The following LMOD1 variants were observed in gnomAD, a reference collection of about 807,000 sequenced individuals.
LMOD1 encodes leiomodin-1.
Under a neutral mutation model 36.5 loss-of-function variants are expected in LMOD1, and 8 were observed. That is an observed-to-expected ratio of 0.22 (90% CI 0.13 to 0.40). The LOEUF is 0.40. Among genes scored for constraint, LMOD1 ranks in the 10% least tolerant of loss-of-function variants. The pLI, the probability that LMOD1 is intolerant of heterozygous loss-of-function variation, is 1.00. For missense variants in LMOD1, 630 were observed against 751.1 expected, an observed-to-expected ratio of 0.84 and a Z score of 1.88; for synonymous variants, 284 against 288.7, an observed-to-expected ratio of 0.98 and a Z score of 0.17.
At chr1:201,940,815 C>T (rs1378970237) in intron 1 of LMOD1, among the ~76,000 whole-genome samples, 1 of 148,500 alleles carries the variant, frequency 6.7e-6, no homozygotes, top group Non-Finnish European at 1.5e-5. Context: ...ATGGCACGAT[C>T]TCGGCGCACC....
intron 1 of LMOD1, among the ~76,000 whole-genome samples, chr1:201,930,670 TAGAA>T (rs1363112956): frequency 2.0e-5 from 3 of 152,140 alleles, no homozygotes; most frequent in East Asian, 1.9e-4. Context: ...AGGCCAGAGA[TAGAA>T]AGAGAGCATA....
In LMOD1 at chr1:201,896,805, G is replaced by C. The variant is rs886578857; in HGVS notation, c.*1567C>G. ...GAGGGAATGGAGAAGAGTGTACCCT[G>C]GGATCTGAGGGCTTTACCCCCAGGA... On this transcript the variant is annotated 3_prime_UTR_variant, in exon 3 of 3. Transcript: ENST00000367288. 42 of 441,414 alleles carry C rather than the reference G, an allele frequency of 9.5e-5. No individual in the cohort carries two copies. The Admixed American group carries it at 1.0e-3, about 11-fold the overall frequency. 27.3% of individuals were successfully genotyped at this position (441,414 alleles called of 1,614,324 possible). A position where few individuals can be genotyped will look rare whatever the true frequency, so the allele number is the denominator to read the frequency against.
At chr1:201,905,632 C>G (rs972657602) in intron 1 of LMOD1, among the ~76,000 whole-genome samples, 1 of 152,246 alleles carries the variant, frequency 6.6e-6, no homozygotes, top group Admixed American at 6.5e-5. Context: ...CAGCCCACAC[C>G]GTCCCCCACT....
Position 201,901,564 on chromosome 1 carries a change from GTATATATATA to G in LMOD1, c.262-823_262-814del, listed in dbSNP as rs1275880446. ...TATATATATATATACATATATATAT[GTATATATATA>G]TATATATATACATATATATATGTAT... On this transcript the variant is annotated intron_variant, in intron 1 of 2. Transcript: ENST00000367288. Among the ~76,000 whole-genome samples the G allele has an allele frequency of 1.8e-4, 7 of 39,042 alleles. No homozygotes were observed. In the Admixed American group the frequency reaches 2.2e-3, roughly 12 times the overall value. 25.6% of individuals were successfully genotyped at this position (39,042 alleles called of 152,430 possible). A position where few individuals can be genotyped will look rare whatever the true frequency, so the allele number is the denominator to read the frequency against.
intron 1 of LMOD1, among the ~76,000 whole-genome samples, chr1:201,918,168 C>T (rs1464121113): frequency 6.6e-6 from 1 of 152,204 alleles, no homozygotes; most frequent in East Asian, 1.9e-4. Flanking sequence ...GAATGGCTCT[C>T]CCACCCCACA....
chr1:201,924,650 GAGAAAGAAAGAAAAAAAAGAAAGAA>G (rs1681784389), intron 1 of LMOD1, among the ~76,000 whole-genome samples: 1 of 121,852 alleles, frequency 8.2e-6, no homozygotes. Context: ...GAAAGAAAGA[GAGAAAGAAAGAAAAAAAAGAAAGAA>G]AGAAAGAAAG....
chr1:201,936,702 C>T (rs778988783), intron 1 of LMOD1, among the ~76,000 whole-genome samples: 3 of 152,034 alleles, frequency 2.0e-5, no homozygotes, highest in Non-Finnish European at 4.4e-5. Context: ...TTTGGGAGAC[C>T]GAGGCTGGTG....
At chr1:201,901,562 AT>A in intron 1 of LMOD1, among the ~76,000 whole-genome samples, 1 of 26,590 alleles carries the variant, frequency 3.8e-5, no homozygotes, top group South Asian at 1.2e-3. Flanking sequence ...ACATATATAT[AT>A]GTATATATAT....
At chr1:201,941,644 T>G (rs976963705) in intron 1 of LMOD1, among the ~76,000 whole-genome samples, 1 of 152,110 alleles carries the variant, frequency 6.6e-6, no homozygotes, top group African/African-American at 2.4e-5. Flanking sequence ...CCCGGCCCCG[T>G]AGAGATACCA....
chr1:201,936,939 CA>C (rs199993251), intron 1 of LMOD1, among the ~76,000 whole-genome samples: 1 of 150,244 alleles, frequency 6.7e-6, no homozygotes, highest in Non-Finnish European at 1.5e-5. Flanking sequence ...GACTCTGTCT[CA>C]AAAAAAAAGA....
Position 201,900,114 on chromosome 1 carries a change from G to C in LMOD1, c.899C>G (p.Thr300Ser). ...TPEKQTPSGP[T>S]KPSEGPAKVE... ...CTTGGCCGGTCCTTCAGAGGGCTTGGTGGGGCCACTGGGCGTCTGTTTCTC... is the reference window on the plus strand; with the variant it reads ...CTTGGCCGGTCCTTCAGAGGGCTTGCTGGGGCCACTGGGCGTCTGTTTCTC... Residue 300 changes from threonine to serine, a missense_variant, in exon 2 of 3, where the codon ACC becomes AGC. Transcript: ENST00000367288. The C allele has an allele frequency of 2.5e-6, 4 of 1,613,940 alleles. No homozygotes were observed. The highest frequency in any genetic ancestry group is 3.4e-6 in the Non-Finnish European group (4 of 1,179,866).
intron 1 of LMOD1, among the ~76,000 whole-genome samples, chr1:201,925,667 G>GTTT (rs57789702): frequency 4.3e-5 from 6 of 139,482 alleles, no homozygotes; most frequent in South Asian, 2.3e-4. Flanking sequence ...CTGGAGGCTT[G>GTTT]TTTTTTTTTT....
chr1:201,935,859 TC>T (rs1395991463), intron 1 of LMOD1, among the ~76,000 whole-genome samples: 1 of 148,796 alleles, frequency 6.7e-6, no homozygotes, highest in Non-Finnish European at 1.5e-5. Flanking sequence ...ACCTGGCCAA[TC>T]CCAGGACTTT....
chr1:201,926,082 T>C (rs1000761234), intron 1 of LMOD1, among the ~76,000 whole-genome samples: 1 of 152,198 alleles, frequency 6.6e-6, no homozygotes, highest in Non-Finnish European at 1.5e-5. Context: ...ATGTGCTCTA[T>C]CTATACTGCA....
intron 1 of LMOD1, among the ~76,000 whole-genome samples, chr1:201,944,170 C>T (rs1682165090): frequency 6.6e-6 from 1 of 152,216 alleles, no homozygotes; most frequent in Non-Finnish European, 1.5e-5. Flanking sequence ...CACACAAACA[C>T]ACACACCACT....
intron 1 of LMOD1, among the ~76,000 whole-genome samples, chr1:201,941,254 C>T (rs1039735491): frequency 2.0e-5 from 3 of 152,024 alleles, no homozygotes; most frequent in Non-Finnish European, 4.4e-5. Context: ...ATCACACCTG[C>T]CCTCAAAATT....
chr1:201,902,097 G>A (rs72742100), intron 1 of LMOD1, among the ~76,000 whole-genome samples: 12,964 of 151,266 alleles, frequency 0.086, 669 homozygotes, highest in South Asian at 0.13. Context: ...ATGCCCATCC[G>A]ATATTTTAAA....
chr1:201,915,601 C>T (rs1037474167), intron 1 of LMOD1, among the ~76,000 whole-genome samples: 31 of 152,138 alleles, frequency 2.0e-4, no homozygotes, highest in Non-Finnish European at 1.0e-4. Flanking sequence ...CAACGTGGAC[C>T]CCTCTGCACC....
In LMOD1 at chr1:201,899,126, T is replaced by G. The variant is rs1681243458; in HGVS notation, c.1776+111A>C. 1 of 1,004,704 alleles carries G rather than the reference T, an allele frequency of 1.0e-6. No individual in the cohort carries two copies. Among genetic ancestry groups the G allele is most frequent in the Admixed American group, 2.9e-5 (1 of 34,528 alleles). The allele number at this position is 1,004,704 out of a possible 1,614,324, so 62.2% of individuals were successfully genotyped here. A position where few individuals can be genotyped will look rare whatever the true frequency, so the allele number is the denominator to read the frequency against. On this transcript the variant is annotated intron_variant, in intron 2 of 2. Coordinates refer to ENST00000367288, the MANE Select transcript of LMOD1 (RefSeq NM_012134.3). This position sits in a 1 kb window ranked among gnomAD's most constrained non-coding sequence, Gnocchi z 6.3. ...CCCCTATGGGCCCTGGGAGTCTATATCATCTGCAGCCGACATAAGCTCCTC... is the reference window on the plus strand; with the variant it reads ...CCCCTATGGGCCCTGGGAGTCTATAGCATCTGCAGCCGACATAAGCTCCTC...
Sources: allele counts gnomAD v4.1 joint callset (sites outside exome capture counted in the v4.1 genomes callset), GRCh38; gene constraint gnomAD v4.1.1; non-coding constraint Gnocchi (gnomAD v3.1); transcripts MANE v1.5; gene names NCBI Gene and HGNC (gene_info 2026-07-23, HGNC 2026-07-21).